ZNF814: variants seen among roughly 807,000 people sequenced by gnomAD.
ZNF814 encodes the protein zinc finger protein 814.
Under a neutral mutation model 7.5 loss-of-function variants are expected in ZNF814, and 5 were observed. The ratio of observed to expected loss-of-function variants is 0.67; its 90% CI spans 0.35 to 1.40. The LOEUF (loss-of-function observed/expected upper bound fraction) is 1.40. Ranked by LOEUF, ZNF814 falls within the 40% of genes most tolerant of loss-of-function variation. ZNF814 has a pLI of 0.04. For synonymous variants in ZNF814, 315 were observed against 340.7 expected (o/e 0.92, Z 0.83); for missense variants, 962 against 1,018.0 (o/e 0.94, Z 0.75).
At chr19:57,903,108 T>A in the ZNF814 span, among the ~76,000 whole-genome samples, 1 of 152,198 alleles carries the variant, frequency 6.6e-6, no homozygotes, top group Non-Finnish European at 1.5e-5. Context: ...GGAGTTTGGA[T>A]CCCTGTGTCT....
the ZNF814 span, among the ~76,000 whole-genome samples, chr19:57,900,959 G>A: frequency 6.1e-5 from 9 of 147,046 alleles, no homozygotes; most frequent in South Asian, 1.9e-3. Context: ...CCATTCTCCT[G>A]CCTCAGCCTC....
intron 1 of ZNF814, among the ~76,000 whole-genome samples, chr19:57,884,475 C>T (rs2071673380): frequency 6.6e-6 from 1 of 152,100 alleles, no homozygotes; most frequent in African/African-American, 2.4e-5. Context: ...CTAGCCAAGG[C>T]AAGGTGGCAC....
chr19:57,901,544 C>A, the ZNF814 span: 1 of 398,246 alleles, frequency 2.5e-6, no homozygotes, highest in South Asian at 1.3e-4. Context: ...ATCTGAAGGT[C>A]TATCATGAGC....
Position 57,874,391 on chromosome 19 carries a change from A to G in ZNF814, c.999T>C (p.Phe333=), listed in dbSNP as rs1305985411. The change falls in exon 3 of 3, where the codon TTT becomes TTC. Residue 333 remains phenylalanine, a synonymous_variant. Transcript: ENST00000435989. ...PYECGECGKS[F]SKYASFSNHQ... ...GATTACTGAAGCTAGCATATTTGCT[A>G]AACGATTTCCCACATTCTCCACATT... The G allele has an allele frequency of 3.9e-6, 6 of 1,540,764 alleles. No homozygotes were observed. The highest frequency in any genetic ancestry group is 5.2e-6 in the Non-Finnish European group (6 of 1,143,264).
upstream of ZNF814, among the ~76,000 whole-genome samples, chr19:57,889,756 G>A (rs139634733): frequency 6.7e-3 from 1,018 of 151,868 alleles, 16 homozygotes; most frequent in African/African-American, 0.023. Context: ...CCCAGCTACT[G>A]GGGAGGCCGA....
chr19:57,879,479 G>A (rs961129927), intron 1 of ZNF814, among the ~76,000 whole-genome samples: 52 of 148,940 alleles, frequency 3.5e-4, no homozygotes, highest in African/African-American at 1.3e-3. Flanking sequence ...GTCCGCCAGG[G>A]ACCCAGGCAA....
In ZNF814 at chr19:57,872,987, C is replaced by T. The variant is rs1310267477; in HGVS notation, c.2403G>A (p.Glu801=). Reference sequence around the variant, plus strand: ...CAAAAGATTTTCCACATTCACTGCACTCATAAGGCTTTTCTCCAGTGTGAA... The same window carrying T: ...CAAAAGATTTTCCACATTCACTGCATTCATAAGGCTTTTCTCCAGTGTGAA... ...KRVHTGEKPY[E]CSECGKSFAE... The change falls in exon 3 of 3, where the codon GAG becomes GAA. Residue 801 remains glutamate, a synonymous_variant. Transcript: ENST00000435989. The T allele has an allele frequency of 1.9e-6, 3 of 1,613,074 alleles. No homozygotes were observed. Among genetic ancestry groups the T allele is most frequent in the East Asian group, 4.5e-5 (2 of 44,818 alleles).
chr19:57,900,839 A>ATTTTTTTTTGTTTTTTT, the ZNF814 span, among the ~76,000 whole-genome samples: 1 of 45,782 alleles, frequency 2.2e-5, no homozygotes, highest in Non-Finnish European at 3.8e-5. Flanking sequence ...CCATGGCTGC[A>ATTTTTTTTTGTTTTTTT]TTTTTTTTTT....
chr19:57,886,213 G>A (rs1367371720), intron 1 of ZNF814, among the ~76,000 whole-genome samples: 2 of 152,108 alleles, frequency 1.3e-5, no homozygotes, highest in Admixed American at 1.3e-4. Flanking sequence ...GCTTGGAGGA[G>A]AGGCAGACAT....
At chr19:57,889,754 C>T (rs1335399156), upstream of ZNF814, among the ~76,000 whole-genome samples, 2 of 151,656 alleles carry the variant, frequency 1.3e-5, no homozygotes, top group South Asian at 2.1e-4. Context: ...ATCCCAGCTA[C>T]TGGGGAGGCC....
rs537553197 is a variant in ZNF814, at chr19:57,888,901, G to T, written c.-99C>A. The T allele has an allele frequency of 6.6e-5, 91 of 1,374,582 alleles. No individual in the cohort carries two copies. The highest frequency in any genetic ancestry group is 1.9e-4 in the Middle Eastern group (1 of 5,314). The allele number at this position is 1,374,582 out of a possible 1,614,324, so 85.1% of individuals were successfully genotyped here. ...TCCTGGCCCAGGAGTGGGTCACGCT[G>T]GGCGCCGTCACAGAGCTCCAGAGTA... On this transcript the variant is annotated 5_prime_UTR_variant, in exon 1 of 3. Coordinates refer to ENST00000435989, the MANE Select transcript of ZNF814 (RefSeq NM_001144989.2).
Position 57,876,982 on chromosome 19 carries a change from T to C in ZNF814, c.97A>G (p.Ser33Gly). ...NFTWEEWNLL[S>G]EAQRCLYRDV... ...CGGTACAGGCATCTCTGAGCCTCAC[T>C]AAGGAGATTCCATTCCTCCCAGGTA... is the stretch of plus-strand genomic sequence containing the variant. Residue 33 changes from serine to glycine, a missense_variant, in exon 2 of 3, where the codon AGT becomes GGT. By Grantham distance (56) the Ser-to-Gly change is moderately conservative. Transcript: ENST00000435989. 1.9e-6 allele frequency: 3 copies of C among 1,614,160 alleles called. No homozygotes were observed. Among genetic ancestry groups the C allele is most frequent in the Non-Finnish European group, 2.5e-6 (3 of 1,180,010 alleles).
upstream of ZNF814, among the ~76,000 whole-genome samples, chr19:57,891,397 T>C (rs1225196272): frequency 1.3e-5 from 2 of 150,574 alleles, no homozygotes; most frequent in Non-Finnish European, 3.0e-5. Context: ...TGGTGGCGGG[T>C]GCCTGTAGTC....
chr19:57,892,048 G>A (rs533035981), upstream of ZNF814, among the ~76,000 whole-genome samples: 5 of 152,126 alleles, frequency 3.3e-5, no homozygotes, highest in African/African-American at 4.8e-5. Flanking sequence ...CACTGCACCC[G>A]GCCCAGACCA....
chr19:57,873,047 G>T lies in ZNF814; in HGVS notation c.2343C>A (p.Phe781Leu), dbSNP rs537301028. The T allele has an allele frequency of 2.5e-6, 4 of 1,609,508 alleles. No homozygotes were observed. The highest frequency in any genetic ancestry group is 3.4e-6 in the Non-Finnish European group (4 of 1,178,468). The change falls in exon 3 of 3, where the codon TTC (phenylalanine) becomes TTA (leucine). Residue 781 changes from phenylalanine (F) to leucine (L), a missense_variant. Around this residue, in one of 7 missense-constraint regions of ZNF814, gnomAD observed 665 missense variants for 551.4 expected, o/e 1.21. Coordinates refer to ENST00000435989, the MANE Select transcript of ZNF814 (RefSeq NM_001144989.2). ...GTTTTGTGAAACTGGAGCTTTCAGC[G>T]AAAGATTTTCCACATTCACTGCACT... is the stretch of plus-strand genomic sequence containing the variant. ...PYECSECGKSFAESSSFTKHK... is the reference protein window; with the variant it reads ...PYECSECGKSLAESSSFTKHK...
intron 1 of ZNF814, among the ~76,000 whole-genome samples, chr19:57,877,352 T>C (rs1215612995): frequency 3.3e-5 from 5 of 152,182 alleles, no homozygotes; most frequent in African/African-American, 1.2e-4. Flanking sequence ...CCTCATTCTT[T>C]AGACTTCCAG....
In ZNF814 at chr19:57,872,881, A is replaced by G; in HGVS notation, c.2509T>C (p.Phe837Leu). 6.2e-7 allele frequency: 1 copy of G among 1,613,002 alleles called. No individual in the cohort carries two copies. The highest frequency in any genetic ancestry group is 8.5e-7 in the Non-Finnish European group (1 of 1,179,576). Residue 837 changes from phenylalanine (F) to leucine (L), a missense_variant, in exon 3 of 3, where the codon TTT becomes CTT. Transcript: ENST00000435989. ...PYKCEKCGKL[F>L]NKKSHLLVHQ... ...ACAAGGAGGTGAGACTTCTTGTTAA[A>G]TAATTTCCCACATTTCTCACATTTA... is the stretch of plus-strand genomic sequence containing the variant.
chr19:57,888,465 C>A (rs1403582929), intron 1 of ZNF814, among the ~76,000 whole-genome samples: 2 of 152,148 alleles, frequency 1.3e-5, no homozygotes, highest in East Asian at 1.9e-4. Flanking sequence ...AGTTCATAGC[C>A]CCCAGCCTGC....
intron 1 of ZNF814, among the ~76,000 whole-genome samples, chr19:57,886,802 C>T (rs1246522993): frequency 2.0e-5 from 3 of 151,400 alleles, no homozygotes; most frequent in South Asian, 2.1e-4. Flanking sequence ...ATCTCTTGAA[C>T]CCGGGAGGCG....
Sources: allele counts gnomAD v4.1 joint callset (sites outside exome capture counted in the v4.1 genomes callset), GRCh38; gene constraint gnomAD v4.1.1; regional missense constraint gnomAD v4.1.1; transcripts MANE v1.5; gene names NCBI Gene and HGNC (gene_info 2026-07-23, HGNC 2026-07-21).